The following DDX6 variants were observed in gnomAD, a reference collection of about 807,000 sequenced individuals.
DDX6 encodes probable ATP-dependent RNA helicase DDX6.
DDX6 carries 7 observed loss-of-function variants against 60.6 expected under a neutral mutation model. That is an observed-to-expected ratio of 0.12 (90% confidence interval 0.07 to 0.22). The LOEUF is 0.22. DDX6 is among the 10% of genes least tolerant of loss of function. DDX6 has a pLI of 1.00. For missense variants in DDX6, 270 were observed against 589.9 expected (o/e 0.46, Z 5.62); for synonymous variants, 207 against 201.0 (o/e 1.03, Z -0.25).
chr11:118,771,129 G>A (rs183431656), intron 4 of DDX6, among the ~76,000 whole-genome samples: 127 of 152,282 alleles, frequency 8.3e-4, no homozygotes, highest in Admixed American at 3.3e-3. Flanking sequence ...CCAGTAGTCT[G>A]TAGTTTTTAA....
intron 4 of DDX6, among the ~76,000 whole-genome samples, chr11:118,778,606 G>C (rs868922218): frequency 1.3e-5 from 2 of 152,058 alleles, no homozygotes; most frequent in African/African-American, 4.8e-5. Context: ...TAGTATTATT[G>C]TATTTGTATG....
intron 11 of DDX6, 55 bp downstream of exon 11, chr11:118,756,205 G>C (rs1860971342): frequency 1.4e-6 from 2 of 1,470,712 alleles, no homozygotes; most frequent in African/African-American, 2.8e-5. Flanking sequence ...AACAGAGAAA[G>C]CAAAAAACAA....
chr11:118,768,217 A>T lies in DDX6; in HGVS notation c.499+6T>A. The T allele has an allele frequency of 1.2e-6, 2 of 1,612,558 alleles. No homozygotes were observed. Among genetic ancestry groups the T allele is most frequent in the Non-Finnish European group, 1.7e-6 (2 of 1,179,172 alleles). On this transcript the variant is annotated splice_donor_region_variant and intron_variant, in intron 5 of 13. Transcript: ENST00000534980. ...TAGTTTAAAAACAAACTTTTATTCA[A>T]CTAACCTTGTATATTGTCCTTCTTC... is the stretch of plus-strand genomic sequence containing the variant.
intron 13 of DDX6, 122 bp from the exon 14 acceptor site, chr11:118,752,219 T>TA (rs1276272611): frequency 1.9e-5 from 3 of 158,152 alleles, no homozygotes; most frequent in Non-Finnish European, 4.2e-5. Context: ...CTGTGCCTAC[T>TA]ATAGAATCTA....
At chr11:118,757,425 G>A (rs1225223532) in intron 9 of DDX6, 138 bp from the exon 10 acceptor site, 2 of 485,548 alleles carry the variant, frequency 4.1e-6, no homozygotes, top group Admixed American at 8.2e-5. Context: ...GAGAGAGATG[G>A]TAAATTGTAA....
chr11:118,759,000 C>T, intron 8 of DDX6, 98 bp from the exon 9 acceptor site: 5 of 1,485,280 alleles, frequency 3.4e-6, no homozygotes, highest in Non-Finnish European at 4.5e-6. Context: ...GTCCGATAAA[C>T]TCTTGCTGTA....
At chr11:118,771,985 TA>T (rs1333221928) in intron 4 of DDX6, among the ~76,000 whole-genome samples, 1 of 152,062 alleles carries the variant, frequency 6.6e-6, no homozygotes, top group East Asian at 1.9e-4. Context: ...TGAATTTTCA[TA>T]GCAGCATTAT....
chr11:118,765,643 C>T (rs571184804), intron 5 of DDX6, among the ~76,000 whole-genome samples: 1 of 152,152 alleles, frequency 6.6e-6, no homozygotes, highest in African/African-American at 2.4e-5. Context: ...GGCGTGGTGG[C>T]ACGCACCTGT....
chr11:118,785,393 C>CAA (rs1252673604), intron 2 of DDX6, among the ~76,000 whole-genome samples: 2 of 151,530 alleles, frequency 1.3e-5, no homozygotes, highest in African/African-American at 4.9e-5. Flanking sequence ...TGGGTAGAGA[C>CAA]AGAGTCTCAT....
intron 11 of DDX6, among the ~76,000 whole-genome samples, 174 bp downstream of exon 11, chr11:118,756,086 T>C (rs1175183899): frequency 2.2e-5 from 3 of 134,616 alleles, no homozygotes; most frequent in Non-Finnish European, 4.6e-5. Flanking sequence ...AAGTTTCAGA[T>C]ATGGAACCCA....
At chr11:118,785,764 T>C (rs1862053151) in intron 2 of DDX6, 1 of 262,082 alleles carries the variant, frequency 3.8e-6, no homozygotes, top group Admixed American at 5.2e-5. Context: ...TACAACAAAC[T>C]AAGCTAATAA....
chr11:118,775,084 G>T (rs1391423042), intron 4 of DDX6, among the ~76,000 whole-genome samples: 1 of 152,176 alleles, frequency 6.6e-6, no homozygotes, highest in Non-Finnish European at 1.5e-5. Context: ...GGAGGCCGAG[G>T]AGAGTGGATC....
upstream of DDX6, chr11:118,791,165 G>GC (rs1481387632): frequency 6.6e-6 from 1 of 152,226 alleles, no homozygotes; most frequent in Non-Finnish European, 1.5e-5. Context: ...CGGCTCCTCT[G>GC]CCCCCTCCCT....
At chr11:118,783,492 G>A (rs1861970216) in intron 2 of DDX6, among the ~76,000 whole-genome samples, 2 of 152,258 alleles carry the variant, frequency 1.3e-5, no homozygotes, top group African/African-American at 4.8e-5. Context: ...TCCAGCCCCA[G>A]AATTTTTTAA....
intron 1 of DDX6, 159 bp from the exon 2 acceptor site, chr11:118,786,677 A>T (rs963169396): frequency 2.3e-5 from 4 of 170,786 alleles, no homozygotes; most frequent in Non-Finnish European, 5.1e-5. Flanking sequence ...GATAGACACA[A>T]CTTTGAACTA....
chr11:118,777,614 G>T (rs1437697980), intron 4 of DDX6, among the ~76,000 whole-genome samples: 1 of 152,062 alleles, frequency 6.6e-6, no homozygotes, highest in Non-Finnish European at 1.5e-5. Context: ...AAGGGGCCGG[G>T]TACGATGGCT....
At chr11:118,758,523 G>A (rs575942841) in intron 9 of DDX6, among the ~76,000 whole-genome samples, 8 of 152,058 alleles carry the variant, frequency 5.3e-5, no homozygotes, top group African/African-American at 1.9e-4. Flanking sequence ...ATGGGCACAC[G>A]CCACCATGCC....
At chr11:118,770,000 G>A (rs1294932501) in intron 4 of DDX6, among the ~76,000 whole-genome samples, 4 of 151,810 alleles carry the variant, frequency 2.6e-5, no homozygotes, top group Admixed American at 6.6e-5. Context: ...GAGCCAGCGC[G>A]CCGGGCCATG....
chr11:118,778,365 T>C (rs1191874882), intron 4 of DDX6, among the ~76,000 whole-genome samples: 2 of 152,198 alleles, frequency 1.3e-5, no homozygotes, highest in East Asian at 3.8e-4. Flanking sequence ...ACTGACATTT[T>C]GGGCCACAAA....
Sources: gnomAD v4.1 joint callset for allele counts (sites outside exome capture counted in the v4.1 genomes callset) on GRCh38, gnomAD v4.1.1 for gene constraint, MANE v1.5 for transcripts, NCBI Gene and HGNC (gene_info 2026-07-23, HGNC 2026-07-21) for gene names.